RBFOX2: variants seen among roughly 807,000 people sequenced by gnomAD.
RBFOX2 encodes the protein RNA binding fox-1 homolog 2.
RBFOX2 carries 10 observed loss-of-function variants against 49.1 expected under a neutral mutation model. The observed-to-expected ratio is 0.20, with a 90% CI of 0.13 to 0.35. The LOEUF (loss-of-function observed/expected upper bound fraction) is 0.35. Ranked by LOEUF, RBFOX2 falls within the 10% of genes least tolerant of loss-of-function variation. The pLI is 1.00. For missense variants in RBFOX2, 323 were observed against 486.9 expected (o/e 0.66, Z 3.17); for synonymous variants, 183 against 187.4 (o/e 0.98, Z 0.19).
chr22:35,949,945 T>C (rs1315407896), intron 1 of RBFOX2, among the ~76,000 whole-genome samples: 1 of 152,202 alleles, frequency 6.6e-6, no homozygotes, highest in East Asian at 1.9e-4. Flanking sequence ...TTTTTTCTTT[T>C]GTTGCCTGTG....
At chr22:35,982,810 C>A (rs537016160) in intron 1 of RBFOX2, among the ~76,000 whole-genome samples, 10 of 150,918 alleles carry the variant, frequency 6.6e-5, no homozygotes, top group South Asian at 2.1e-4. Context: ...AAAAAAAAAA[C>A]CACTAATCCT....
chr22:35,800,961 TAAACTG>T (rs981028060), intron 2 of RBFOX2, among the ~76,000 whole-genome samples: 1 of 152,130 alleles, frequency 6.6e-6, no homozygotes, highest in African/African-American at 2.4e-5. Context: ...AGATAAGACT[TAAACTG>T]AGTGGGAAAA....
At chr22:36,026,897 A>C (rs1220975518) in intron 1 of RBFOX2, among the ~76,000 whole-genome samples, 1 of 152,238 alleles carries the variant, frequency 6.6e-6, no homozygotes, top group Non-Finnish European at 1.5e-5. Context: ...ACAGGAAGTC[A>C]GGCAGAGGCT....
At position 36,016,997 on chromosome 22, in the gene RBFOX2, T is replaced by C. The variant is rs567382899; in HGVS notation, c.186+11243A>G. 6.6e-5 allele frequency among the ~76,000 whole-genome samples: 10 copies of C among 152,250 alleles called. No individual in the cohort carries two copies. The South Asian group carries it at 2.1e-3, about 32-fold the overall frequency. ...GCAGCTAAAGAGGTCCCTACTAAAC[T>C]GGCTGGAACAGGCAAGGATTATACA... On this transcript the variant is annotated intron_variant, in intron 1 of 13. Transcript: ENST00000438146.
chr22:35,994,438 C>G (rs527580893), intron 1 of RBFOX2: 1 of 150,704 alleles, frequency 6.6e-6, no homozygotes, highest in East Asian at 2.0e-4. Flanking sequence ...TAGGGTCTCA[C>G]TGTGTCACTC....
chr22:35,876,357 C>T (rs1160542108), intron 1 of RBFOX2, among the ~76,000 whole-genome samples: 1 of 152,044 alleles, frequency 6.6e-6, no homozygotes, highest in Non-Finnish European at 1.5e-5. Context: ...TCCCAAGTAA[C>T]TGAGATTACA....
At chr22:35,917,838 A>AG (rs1248519799) in intron 1 of RBFOX2, among the ~76,000 whole-genome samples, 2 of 152,204 alleles carry the variant, frequency 1.3e-5, no homozygotes, top group Non-Finnish European at 2.9e-5. Flanking sequence ...GGAGTACAGC[A>AG]GGGCTTGGCC....
intron 1 of RBFOX2, among the ~76,000 whole-genome samples, chr22:35,980,119 T>C (rs938026207): frequency 4.6e-5 from 7 of 151,990 alleles, no homozygotes; most frequent in African/African-American, 1.7e-4. Flanking sequence ...TATGACCTAT[T>C]AAAAGATAAC....
chr22:35,884,403 G>A (rs764390562), intron 1 of RBFOX2, among the ~76,000 whole-genome samples: 4 of 152,104 alleles, frequency 2.6e-5, no homozygotes, highest in Non-Finnish European at 4.4e-5. Flanking sequence ...TAAGCTAAGT[G>A]CTTCTGGTTC....
At chr22:35,887,814 T>C (rs955651856) in intron 1 of RBFOX2, among the ~76,000 whole-genome samples, 9 of 152,168 alleles carry the variant, frequency 5.9e-5, no homozygotes, top group African/African-American at 1.9e-4. Context: ...CCTAAAGCCA[T>C]TCACCTAGCA....
intron 1 of RBFOX2, among the ~76,000 whole-genome samples, chr22:35,905,703 T>G (rs1423023286): frequency 6.6e-6 from 1 of 152,204 alleles, no homozygotes; most frequent in African/African-American, 2.4e-5. Context: ...GAATTATGGC[T>G]TATCCATACA....
At chr22:35,898,416 AT>A in intron 1 of RBFOX2, 2 of 376,274 alleles carry the variant, frequency 5.3e-6, no homozygotes, top group South Asian at 3.1e-5. Context: ...TTCTCCCACA[AT>A]CCTTTTTTTT....
At chr22:35,796,280 T>C (rs1211536359) in intron 2 of RBFOX2, among the ~76,000 whole-genome samples, 1 of 152,202 alleles carries the variant, frequency 6.6e-6, no homozygotes, top group East Asian at 1.9e-4. Context: ...AAATTGAAGC[T>C]GATAAATTTT....
At chr22:35,797,896 G>A (rs1949070580) in intron 2 of RBFOX2, among the ~76,000 whole-genome samples, 4 of 152,166 alleles carry the variant, frequency 2.6e-5, no homozygotes, top group Admixed American at 2.6e-4. Context: ...TTTAGGAGAA[G>A]TAGTACCTAC....
chr22:35,760,107 GA>G, intron 8 of RBFOX2, 87 bp from the exon 10 acceptor site: 1 of 1,531,406 alleles, frequency 6.5e-7, no homozygotes, highest in Non-Finnish European at 9.0e-7. Flanking sequence ...ACCAATTATA[GA>G]AAAGATGGAA....
chr22:36,017,421 G>C (rs1051840386), intron 1 of RBFOX2, among the ~76,000 whole-genome samples: 2 of 152,064 alleles, frequency 1.3e-5, no homozygotes, highest in Non-Finnish European at 2.9e-5. Context: ...CCAGCTACTC[G>C]GGAGGCTGAG....
At chr22:35,958,444 T>C (rs1375677800) in intron 1 of RBFOX2, among the ~76,000 whole-genome samples, 1 of 152,216 alleles carries the variant, frequency 6.6e-6, no homozygotes, top group Non-Finnish European at 1.5e-5. Flanking sequence ...ATCCTGCCTA[T>C]CCCTAAGTCC....
intron 1 of RBFOX2, among the ~76,000 whole-genome samples, chr22:36,005,135 G>A (rs2146295809): frequency 6.6e-6 from 1 of 152,266 alleles, no homozygotes; most frequent in South Asian, 2.1e-4. Context: ...TGTTTACGGG[G>A]AAAAACAGCT....
In RBFOX2 at chr22:35,983,436, T is replaced by A. The variant is rs565610915; in HGVS notation, c.187-44539A>T. Among the ~76,000 whole-genome samples, 58 of 152,282 alleles carry A rather than the reference T, an allele frequency of 3.8e-4. 1 individual carries two copies. Among genetic ancestry groups the A allele is most frequent in the South Asian group, 3.5e-3 (17 of 4,828 alleles). ...GTCTCAGTTTAGACCCCTTGGCCATTTTTTTACCTGGATTTTTTTTTCTAT... is the reference window on the plus strand; with the variant it reads ...GTCTCAGTTTAGACCCCTTGGCCATATTTTTACCTGGATTTTTTTTTCTAT... On this transcript the variant is annotated intron_variant, in intron 1 of 13. Coordinates refer to the RBFOX2 transcript ENST00000438146.
Sources: allele counts gnomAD v4.1 joint callset (sites outside exome capture counted in the v4.1 genomes callset), GRCh38; gene constraint gnomAD v4.1.1; transcripts MANE v1.5; gene names NCBI Gene and HGNC (gene_info 2026-07-23, HGNC 2026-07-21).